Variants in KRT14 observed in about 807,000 individuals in gnomAD.
KRT14 encodes the protein keratin, type I cytoskeletal 14.
KRT14 carries 30 observed loss-of-function variants against 44.5 expected under a neutral mutation model. That is an observed-to-expected ratio of 0.67 (90% CI 0.50 to 0.92). KRT14 has a LOEUF of 0.92. Ranked by LOEUF, KRT14 falls within the 40% of genes least tolerant of loss-of-function variation. The pLI is 0.00. For missense variants in KRT14, 535 were observed against 640.6 expected (o/e 0.84, Z 1.78); for synonymous variants, 241 against 257.6 (o/e 0.94, Z 0.62).
In KRT14 at chr17:41,583,157, G is replaced by C. The variant is rs1055410740; in HGVS notation, c.1275-17C>G. The stretch of plus-strand genomic sequence containing the variant: ...GAGGAGAGGCTGTGAAAATAGAAAA[G>C]GACAGGATCATTAGATACATGGTGG... On this transcript the variant is annotated splice_polypyrimidine_tract_variant and intron_variant, in intron 6 of 7. Transcript: ENST00000167586. The C allele has an allele frequency of 1.2e-6, 2 of 1,613,438 alleles. No individual in the cohort carries two copies. Among genetic ancestry groups the C allele is most frequent in the Non-Finnish European group, 1.7e-6 (2 of 1,179,910 alleles).
In KRT14 at chr17:41,582,404, G is replaced by A. The variant is rs1178794623; in HGVS notation, c.*31C>T. 7 of 1,510,980 alleles carry A rather than the reference G, an allele frequency of 4.6e-6. No homozygotes were observed. The highest frequency in any genetic ancestry group is 2.8e-5 in the African/African-American group (2 of 72,266). 93.6% of individuals were successfully genotyped at this position (1,510,980 alleles called of 1,614,324 possible). A position where few individuals can be genotyped will look rare whatever the true frequency, so the allele number is the denominator to read the frequency against. On this transcript the variant is annotated 3_prime_UTR_variant, in exon 8 of 8. Transcript: ENST00000167586. Reference sequence around the variant, plus strand: ...AGTGGGATCTGTGTCCACACGGGGGGCCTCCTAGGCCTGAGCGGGGCTGGG... The same window carrying A: ...AGTGGGATCTGTGTCCACACGGGGGACCTCCTAGGCCTGAGCGGGGCTGGG...
At chr17:41,582,596 A>G in intron 7 of KRT14, 64 bp from the exon 8 acceptor site, 2 of 1,343,176 alleles carry the variant, frequency 1.5e-6, no homozygotes. Context: ...ATCAGGAGTA[A>G]GGAGGCCAAG....
At chr17:41,584,024 G>C (rs1215840031) in intron 3 of KRT14, 103 bp from the exon 4 acceptor site, 1 of 1,025,890 alleles carries the variant, frequency 9.7e-7, no homozygotes, top group Non-Finnish European at 1.4e-6. Flanking sequence ...ATTCTATCTC[G>C]ACTCTCCCTT....
At position 41,585,042 on chromosome 17, in the gene KRT14, C is replaced by T. The variant is rs764099366; in HGVS notation, c.541G>A (p.Val181Met). 6.2e-7 allele frequency: 1 copy of T among 1,613,724 alleles called. No homozygotes were observed. Among genetic ancestry groups the T allele is most frequent in the African/African-American group, 1.3e-5 (1 of 74,940 alleles). The change falls in exon 2 of 8, where the codon GTG (valine) becomes ATG (methionine). Residue 181 changes from valine (V) to methionine (M), a missense_variant. Coordinates refer to ENST00000167586, the MANE Select transcript of KRT14 (RefSeq NM_000526.5). ...TGCAGAAGGACATTGGCATTGTCCA[C>T]TGTGGCTGTGAGAATCTGCAGGATG... is the stretch of plus-strand genomic sequence containing the variant. Reference protein sequence around the residue: ...DLRNKILTATVDNANVLLQID... With the variant: ...DLRNKILTATMDNANVLLQID...
rs1907537451 is a variant in KRT14 at position 41,586,581 on chromosome 17, C to G, written c.254G>C (p.Gly85Ala). The stretch of plus-strand genomic sequence containing the variant: ...ACCAAGGCCACCACCATATCCTCCC[C>G]CAAAGCCACTACCAAAGCTGCTGCT... The part of the protein sequence containing the change: ...SSSSSFGSGF[G>A]GGYGGGLGAG... The change falls in exon 1 of 8, where the codon GGG (glycine) becomes GCG (alanine). Residue 85 changes from glycine (G) to alanine (A), a missense_variant. Transcript: ENST00000167586. The G allele has an allele frequency of 1.2e-6, 2 of 1,614,068 alleles. No individual in the cohort carries two copies. Among genetic ancestry groups the G allele is most frequent in the Non-Finnish European group, 8.5e-7 (1 of 1,179,926 alleles).
Position 41,582,752 on chromosome 17 carries a change from G to A in KRT14, c.1322-220C>T, listed in dbSNP as rs886177761. On this transcript the variant is annotated intron_variant, in intron 7 of 7. Transcript: ENST00000167586. ...GTCAGAGACAGAGTCTTTGCCCTCA[G>A]ATTAGAGCTTCCTAAGAGCTCACAC... 3 of 613,040 alleles carry A rather than the reference G, an allele frequency of 4.9e-6. No individual in the cohort carries two copies. The African/African-American group carries it at 5.5e-5, about 11-fold the overall frequency. The allele number at this position is 613,040 out of a possible 1,614,324, so 38.0% of individuals were successfully genotyped here.
At chr17:41,582,796 A>G in intron 7 of KRT14, 1 of 601,570 alleles carries the variant, frequency 1.7e-6, no homozygotes, top group Non-Finnish European at 3.0e-6. Context: ...TTCCATCCAT[A>G]TTCACCCAAT....
intron 1 of KRT14, among the ~76,000 whole-genome samples, chr17:41,585,523 T>C (rs566498188): frequency 1.2e-4 from 18 of 152,328 alleles, no homozygotes; most frequent in African/African-American, 4.1e-4. Context: ...TCTCAAGAGA[T>C]AAAACCCAAC....
At position 41,583,936 on chromosome 17, in the gene KRT14, A is replaced by G; in HGVS notation, c.766-15T>C. 1 of 1,613,872 alleles carries G rather than the reference A, an allele frequency of 6.2e-7. No individual in the cohort carries two copies. Among genetic ancestry groups the G allele is most frequent in the Non-Finnish European group, 8.5e-7 (1 of 1,179,820 alleles). On this transcript the variant is annotated splice_polypyrimidine_tract_variant and intron_variant, in intron 3 of 7. Coordinates refer to ENST00000167586, the MANE Select transcript of KRT14 (RefSeq NM_000526.5). Reference sequence around the variant, plus strand: ...GCATTCATCTCCTGCACAGCCAGGGACAGTCCACAGTCAGGAGTTCCACCA... The same window carrying G: ...GCATTCATCTCCTGCACAGCCAGGGGCAGTCCACAGTCAGGAGTTCCACCA...
intron 2 of KRT14, 114 bp from the exon 3 acceptor site, chr17:41,584,527 A>G: frequency 8.6e-7 from 1 of 1,167,394 alleles, no homozygotes; most frequent in Non-Finnish European, 1.3e-6. Flanking sequence ...TGGTTTAAGG[A>G]GCCAATCTTG....
In KRT14 at chr17:41,582,665, C is replaced by T; in HGVS notation, c.1322-133G>A. The T allele has an allele frequency of 1.1e-5, 8 of 736,282 alleles. No homozygotes were observed. The Admixed American group carries it at 1.2e-4, about 11-fold the overall frequency. 45.6% of individuals were successfully genotyped at this position (736,282 alleles called of 1,614,324 possible). ...CCTCTCCCCTGATTACTGCTTCACT[C>T]CCTGCTGTTGCCCAAGCACTGATAC... On this transcript the variant is annotated intron_variant, in intron 7 of 7. Coordinates refer to ENST00000167586, the MANE Select transcript of KRT14 (RefSeq NM_000526.5).
At chr17:41,584,617 C>T (rs1907465745) in intron 2 of KRT14, 4 of 634,160 alleles carry the variant, frequency 6.3e-6, no homozygotes, top group Non-Finnish European at 1.1e-5. Context: ...GGCAGTTCAT[C>T]TTGCTGCAGA....
Position 41,582,455 on chromosome 17 carries a change from C to T in KRT14, c.1399G>A (p.Val467Ile), listed in dbSNP as rs767136981. Reference protein sequence around the residue: ...DGKVVSTHEQVLRTKN With the variant: ...DGKVVSTHEQILRTKN ...CAGCCTCAGTTCTTGGTGCGAAGGA[C>T]CTGCTCGTGGGTGGACACCACCTTG... Residue 467 changes from valine (V) to isoleucine (I), a missense_variant, in exon 8 of 8, where the codon GTC becomes ATC. By Grantham distance (29) the Val-to-Ile change is conservative. Transcript: ENST00000167586. The T allele has an allele frequency of 1.8e-5, 28 of 1,568,534 alleles. No individual in the cohort carries two copies. The highest frequency in any genetic ancestry group is 5.6e-5 in the Admixed American group (3 of 53,166).
rs1288815057 is a variant in KRT14, at chr17:41,586,410, T to G, written c.425A>C (p.Asp142Ala). The part of the protein sequence containing the change: ...KVRALEEANA[D>A]LEVKIRDWYQ... ...CCAGTCACGGATCTTCACTTCCAGG[T>G]CGGCGTTGGCCTCCTCCAGAGCACG... The change falls in exon 1 of 8, where the codon GAC becomes GCC. Residue 142 changes from aspartate (D) to alanine (A), a missense_variant. Transcript: ENST00000167586. The G allele has an allele frequency of 6.8e-6, 11 of 1,613,836 alleles. No individual in the cohort carries two copies. The Admixed American group carries it at 1.0e-4, about 15-fold the overall frequency.
intron 1 of KRT14, among the ~76,000 whole-genome samples, chr17:41,585,729 G>A (rs1386604186): frequency 6.6e-6 from 1 of 152,262 alleles, no homozygotes; most frequent in African/African-American, 2.4e-5. Context: ...CAGGGCACAA[G>A]CCTGCCAGGC....
chr17:41,586,291 C>G lies in KRT14; in HGVS notation c.525+19G>C. Reference sequence around the variant, plus strand: ...AAGGAGCTAGCTGGAATGGTGCCTTCTGCTGCCCATTCACCCACCTTGTTC... The same window carrying G: ...AAGGAGCTAGCTGGAATGGTGCCTTGTGCTGCCCATTCACCCACCTTGTTC... On this transcript the variant is annotated intron_variant, in intron 1 of 7. Coordinates refer to ENST00000167586, the MANE Select transcript of KRT14 (RefSeq NM_000526.5). The G allele has an allele frequency of 6.2e-7, 1 of 1,612,018 alleles. No individual in the cohort carries two copies. Among genetic ancestry groups the G allele is most frequent in the Non-Finnish European group, 8.5e-7 (1 of 1,179,832 alleles).
At chr17:41,586,101 G>A (rs573772006) in intron 1 of KRT14, among the ~76,000 whole-genome samples, 16 of 152,336 alleles carry the variant, frequency 1.1e-4, no homozygotes, top group African/African-American at 3.6e-4. Flanking sequence ...CACATGGTCT[G>A]AGGATTTGAG....
At chr17:41,584,545 C>A (rs1340464136) in intron 2 of KRT14, 132 bp from the exon 3 acceptor site, 10 of 920,842 alleles carry the variant, frequency 1.1e-5, no homozygotes, top group Non-Finnish European at 1.7e-5. Context: ...TTGAAAATGG[C>A]GTGGTTGAAC....
rs369639773 is a variant in KRT14, at chr17:41,584,391, G to C, written c.631C>G (p.Arg211Gly). Reference sequence around the variant, plus strand: ...TTGATGTCGGCTTCCACACTCATGCGCAGGTTCAACTCTGTCTCATACCTG... The same window carrying C: ...TTGATGTCGGCTTCCACACTCATGCCCAGGTTCAACTCTGTCTCATACCTG... ...RTKYETELNL[R>G]MSVEADINGL... is the part of the protein sequence containing the mutation. The change falls in exon 3 of 8, where the codon CGC becomes GGC. Residue 211 changes from arginine to glycine, a missense_variant. By Grantham distance (125) the Arg-to-Gly change is moderately radical. Transcript: ENST00000167586. 2 of 1,613,960 alleles carry C rather than the reference G, an allele frequency of 1.2e-6. No individual in the cohort carries two copies. The highest frequency in any genetic ancestry group is 3.3e-5 in the Admixed American group (2 of 59,986).
Sources: gnomAD v4.1 joint callset for allele counts (sites outside exome capture counted in the v4.1 genomes callset) on GRCh38, gnomAD v4.1.1 for gene constraint, MANE v1.5 for transcripts, NCBI Gene and HGNC (gene_info 2026-07-23, HGNC 2026-07-21) for gene names.